Variants in DOCK1 observed in about 807,000 individuals in gnomAD.
The protein encoded by DOCK1 is dedicator of cytokinesis protein 1.
Under a neutral mutation model 262.7 loss-of-function variants are expected in DOCK1, and 138 were observed. The observed-to-expected ratio is 0.53, with a 90% CI of 0.46 to 0.61. The LOEUF (loss-of-function observed/expected upper bound fraction) is 0.61. Ranked by LOEUF, DOCK1 falls within the 20% of genes least tolerant of loss-of-function variation. The probability of loss-of-function intolerance (pLI) is 0.00; values close to 1 mark genes in which losing one functional copy is unlikely to be tolerated. For missense variants in DOCK1, 1,908 were observed against 2,370.7 expected, an observed-to-expected ratio of 0.80 and a Z score of 4.05; for synonymous variants, 866 against 867.4, an observed-to-expected ratio of 1.00 and a Z score of 0.03.
intron 12 of DOCK1, among the ~76,000 whole-genome samples, chr10:127,017,166 A>G (rs960400619): frequency 6.1e-5 from 8 of 131,358 alleles, no homozygotes; most frequent in Admixed American, 3.3e-4. Flanking sequence ...ACAAACACAC[A>G]CACACACACA....
intron 33 of DOCK1, among the ~76,000 whole-genome samples, chr10:127,368,775 C>T (rs1268728862): frequency 1.3e-5 from 2 of 152,152 alleles, no homozygotes; most frequent in Non-Finnish European, 2.9e-5. Flanking sequence ...GTCTCACCCT[C>T]ATACTGGATT....
intron 28 of DOCK1, among the ~76,000 whole-genome samples, chr10:127,252,330 T>G (rs1320401219): frequency 5.3e-5 from 8 of 151,510 alleles, no homozygotes; most frequent in Admixed American, 2.6e-4. Context: ...CTCCCATTTT[T>G]TAGGTTGCCT....
At chr10:127,260,906 C>G (rs553217914) in intron 29 of DOCK1, among the ~76,000 whole-genome samples, 2 of 96,026 alleles carry the variant, frequency 2.1e-5, no homozygotes, top group South Asian at 3.8e-4. Flanking sequence ...CATCTGTGTA[C>G]CTGCACGTGT....
At chr10:127,196,327 G>A (rs1182609333) in intron 27 of DOCK1, among the ~76,000 whole-genome samples, 1 of 148,746 alleles carries the variant, frequency 6.7e-6, no homozygotes, top group Non-Finnish European at 1.5e-5. Context: ...CCGCGCGCTC[G>A]CTTGCTCGCG....
intron 27 of DOCK1, chr10:127,137,707 C>T (rs537523918): frequency 6.0e-5 from 48 of 795,624 alleles, no homozygotes; most frequent in East Asian, 2.5e-4. Context: ...CTTTTTGGTA[C>T]GCAGGGCGAG....
chr10:126,984,440 A>T (rs2039207516), intron 4 of DOCK1, among the ~76,000 whole-genome samples: 1 of 151,934 alleles, frequency 6.6e-6, no homozygotes, highest in Non-Finnish European at 1.5e-5. Flanking sequence ...CTCTGCCTCC[A>T]GGTTCAAGTG....
Position 127,176,167 on chromosome 10 carries a change from G to A in DOCK1, c.2847+48403G>A. The stretch of plus-strand genomic sequence containing the variant: ...CGGTAGGCTGCTCTGCAGGACACGG[G>A]CTTGGCCTCCCGCTTCTCCCCCAGC... On this transcript the variant is annotated intron_variant, in intron 27 of 51. Coordinates refer to ENST00000623213, the MANE Select transcript of DOCK1 (RefSeq NM_001290223.2). The surrounding 1 kb of genome is among the most constrained non-coding windows in gnomAD (Gnocchi z 4.4). 6.2e-7 allele frequency: 1 copy of A among 1,614,134 alleles called. No homozygotes were observed. Among genetic ancestry groups the A allele is most frequent in the Non-Finnish European group, 8.5e-7 (1 of 1,180,038 alleles).
chr10:127,435,926 T>A (rs913717842), intron 48 of DOCK1, among the ~76,000 whole-genome samples: 7 of 152,188 alleles, frequency 4.6e-5, no homozygotes, highest in African/African-American at 1.7e-4. Context: ...CCACCTGCCT[T>A]TCTCTGGGTT....
At chr10:127,353,298 G>A (rs1161379134) in intron 31 of DOCK1, among the ~76,000 whole-genome samples, 2 of 152,180 alleles carry the variant, frequency 1.3e-5, no homozygotes, top group African/African-American at 2.4e-5. Context: ...GGCCGCAGCA[G>A]CTGCTGGGAT....
In DOCK1 at chr10:127,042,615, G is replaced by A; in HGVS notation, c.2011-10G>A. Reference sequence around the variant, plus strand: ...TTCACATTGTCACCCGACCTTCTGTGTCTATGCAGTTTCTTCAGGACACGT... The same window carrying A: ...TTCACATTGTCACCCGACCTTCTGTATCTATGCAGTTTCTTCAGGACACGT... On this transcript the variant is annotated splice_polypyrimidine_tract_variant and intron_variant, in intron 19 of 51. Coordinates refer to ENST00000623213, the MANE Select transcript of DOCK1 (RefSeq NM_001290223.2). The A allele has an allele frequency of 1.2e-6, 2 of 1,613,788 alleles. No individual in the cohort carries two copies. Among genetic ancestry groups the A allele is most frequent in the Non-Finnish European group, 1.7e-6 (2 of 1,179,712 alleles).
At chr10:127,238,406 G>A (rs368999777) in intron 27 of DOCK1, among the ~76,000 whole-genome samples, 6 of 152,212 alleles carry the variant, frequency 3.9e-5, no homozygotes, top group Admixed American at 1.3e-4. Flanking sequence ...CTTTTACCTC[G>A]AGGTTTCAGT....
intron 8 of DOCK1, 129 bp from the exon 9 acceptor site, chr10:126,999,225 G>A: frequency 1.5e-6 from 1 of 672,398 alleles, no homozygotes. Context: ...TGATACTTTT[G>A]ATATTTATAA....
chr10:126,912,540 C>A (rs1319085648), intron 1 of DOCK1, among the ~76,000 whole-genome samples: 3 of 150,764 alleles, frequency 2.0e-5, no homozygotes, highest in Admixed American at 6.6e-5. Context: ...TCCCGGCTAA[C>A]ACGGTGAAAC....
intron 21 of DOCK1, among the ~76,000 whole-genome samples, chr10:127,051,618 TGTC>T (rs903852651): frequency 6.6e-6 from 1 of 152,222 alleles, no homozygotes; most frequent in Non-Finnish European, 1.5e-5. Context: ...GTTTCACTCT[TGTC>T]GTCCATGCTG....
At position 126,990,564 on chromosome 10, in the gene DOCK1, TGAA is replaced by T. The variant is rs758997336; in HGVS notation, c.442_444del (p.Lys148del). ...CTGCCTCAGGATGAACTCAAAGAACTGAAGAAGAAGGTCACAGCCAAAATTGAT... is the reference window on the plus strand; with the variant it reads ...CTGCCTCAGGATGAACTCAAAGAACTGAAGAAGGTCACAGCCAAAATTGAT... On this transcript the variant is annotated inframe_deletion, in exon 6 of 52. Transcript: ENST00000623213. The T allele has an allele frequency of 1.2e-6, 2 of 1,613,644 alleles. No homozygotes were observed. The highest frequency in any genetic ancestry group is 1.7e-6 in the Non-Finnish European group (2 of 1,179,842).
At chr10:127,366,417 T>C (rs4751282) in intron 33 of DOCK1, among the ~76,000 whole-genome samples, 71,740 of 151,682 alleles carry the variant, frequency 0.47, 17,034 homozygotes, top group Middle Eastern at 0.56. Context: ...CTGCGGGTCA[T>C]GCTGGACTGG....
chr10:127,447,236 C>G (rs2070631657), intron 50 of DOCK1, among the ~76,000 whole-genome samples, 158 bp from the exon 51 acceptor site: 1 of 152,218 alleles, frequency 6.6e-6, no homozygotes, highest in Non-Finnish European at 1.5e-5. Context: ...TGTGTTCGCT[C>G]CCTCCCTGCC....
chr10:126,994,064 C>T (rs1046963008), intron 6 of DOCK1, among the ~76,000 whole-genome samples: 4 of 152,190 alleles, frequency 2.6e-5, no homozygotes, highest in African/African-American at 4.8e-5. Context: ...CTGTTTCCAT[C>T]GGCTTGTTAA....
At chr10:127,035,675 C>T (rs1281212923) in intron 18 of DOCK1, among the ~76,000 whole-genome samples, 2 of 152,112 alleles carry the variant, frequency 1.3e-5, no homozygotes, top group East Asian at 3.9e-4. Flanking sequence ...TGTGTCTGGG[C>T]AGGATGGAGC....
Sources: allele counts gnomAD v4.1 joint callset (sites outside exome capture counted in the v4.1 genomes callset), GRCh38; gene constraint gnomAD v4.1.1; non-coding constraint Gnocchi (gnomAD v3.1); transcripts MANE v1.5; gene names NCBI Gene and HGNC (gene_info 2026-07-23, HGNC 2026-07-21).